Variants in TRIT1 observed in about 807,000 individuals in gnomAD.
TRIT1 encodes the protein tRNA isopentenyltransferase 1, also known as tRNA dimethylallyltransferase.
TRIT1 carries 43 observed loss-of-function variants against 51.2 expected under a neutral mutation model. The ratio of observed to expected loss-of-function variants is 0.84; its 90% CI spans 0.66 to 1.08. The LOEUF is 1.08. TRIT1 is among the 50% of genes least tolerant of loss of function. The pLI is 0.00. For missense variants in TRIT1, 528 were observed against 578.4 expected (o/e 0.91, Z 0.89); for synonymous variants, 184 against 203.9 (o/e 0.90, Z 0.83).
chr1:39,856,105 G>A (rs1642882888), intron 2 of TRIT1, among the ~76,000 whole-genome samples: 1 of 152,118 alleles, frequency 6.6e-6, no homozygotes, highest in Admixed American at 6.6e-5. Flanking sequence ...AGGAGTTCGA[G>A]ACCAGCCTGG....
intron 1 of TRIT1, among the ~76,000 whole-genome samples, chr1:39,863,637 A>C (rs1643370418): frequency 6.6e-6 from 1 of 151,732 alleles, no homozygotes; most frequent in African/African-American, 2.4e-5. Context: ...TTATTTCCAC[A>C]CTGAAAAAAA....
chr1:39,856,261 G>A (rs1039069211), intron 2 of TRIT1, among the ~76,000 whole-genome samples: 2 of 152,032 alleles, frequency 1.3e-5, no homozygotes, highest in East Asian at 1.9e-4. Flanking sequence ...AGCCAAGATC[G>A]CGCTATTGCA....
In TRIT1 at chr1:39,840,652, C is replaced by T. The variant is rs74069709; in HGVS notation, c.*1092G>A. ...AAAATGTATTTGAATGGGGAGTTAA[C>T]GCTTAAAGGGCACAAAGTTTGTTTG... is the stretch of plus-strand genomic sequence containing the variant. On this transcript the variant is annotated 3_prime_UTR_variant, in exon 11 of 11. Transcript: ENST00000316891. 0.021 allele frequency among the ~76,000 whole-genome samples: 3,252 copies of T among 152,240 alleles called. 69 individuals carry two copies. The highest frequency in any genetic ancestry group is 0.11 in the East Asian group (561 of 5,172).
chr1:39,848,622 G>A (rs1332172040), intron 5 of TRIT1, among the ~76,000 whole-genome samples: 2 of 150,968 alleles, frequency 1.3e-5, no homozygotes, highest in Non-Finnish European at 2.9e-5. Flanking sequence ...TCAAGAGTTC[G>A]AGACCAGCCT....
chr1:39,843,453 G>A (rs545784213), intron 10 of TRIT1, among the ~76,000 whole-genome samples: 1 of 152,284 alleles, frequency 6.6e-6, no homozygotes, highest in East Asian at 1.9e-4. Context: ...TGTGGCAGAG[G>A]CAGATCCAGG....
intron 1 of TRIT1, among the ~76,000 whole-genome samples, chr1:39,863,942 G>A (rs571837075): frequency 1.3e-5 from 2 of 152,006 alleles, no homozygotes; most frequent in Non-Finnish European, 2.9e-5. Context: ...TCCAGGCTGG[G>A]GTGCAGTGGT....
At chr1:39,846,281 C>T (rs1456875962) in intron 8 of TRIT1, among the ~76,000 whole-genome samples, 1 of 152,104 alleles carries the variant, frequency 6.6e-6, no homozygotes, top group East Asian at 1.9e-4. Flanking sequence ...TCAGAGGCAC[C>T]GAGTGGGGCA....
chr1:39,869,362 C>T (rs1234671344), intron 1 of TRIT1, among the ~76,000 whole-genome samples: 2 of 152,240 alleles, frequency 1.3e-5, no homozygotes, highest in Admixed American at 6.5e-5. Flanking sequence ...GCCTCGGCCT[C>T]CCGAGGTGCC....
intron 5 of TRIT1, among the ~76,000 whole-genome samples, chr1:39,849,506 T>C (rs1331712480): frequency 6.6e-6 from 1 of 152,158 alleles, no homozygotes; most frequent in African/African-American, 2.4e-5. Context: ...TGAAAATATA[T>C]CTAGCCCAGC....
At chr1:39,850,882 T>C (rs1642522153) in intron 4 of TRIT1, among the ~76,000 whole-genome samples, 1 of 152,246 alleles carries the variant, frequency 6.6e-6, no homozygotes, top group Non-Finnish European at 1.5e-5. Flanking sequence ...TAATGAAGAA[T>C]GCTCCTGGCT....
At chr1:39,868,588 G>T (rs927063892) in intron 1 of TRIT1, among the ~76,000 whole-genome samples, 4 of 148,316 alleles carry the variant, frequency 2.7e-5, no homozygotes, top group African/African-American at 1.0e-4. Context: ...AGGTTGCAGT[G>T]AGCCAAGATC....
At chr1:39,861,360 AAAC>A (rs372719679) in intron 1 of TRIT1, among the ~76,000 whole-genome samples, 5 of 152,160 alleles carry the variant, frequency 3.3e-5, no homozygotes, top group South Asian at 2.1e-4. Flanking sequence ...TAGAACTTAA[AAAC>A]AACAACAACA....
At position 39,841,652 on chromosome 1, in the gene TRIT1, T is replaced by C. The variant is rs924464634; in HGVS notation, c.*92A>G. 77 of 1,337,638 alleles carry C rather than the reference T, an allele frequency of 5.8e-5. No individual in the cohort carries two copies. The highest frequency in any genetic ancestry group is 7.1e-5 in the Non-Finnish European group (70 of 984,506). 82.9% of individuals were successfully genotyped at this position (1,337,638 alleles called of 1,614,324 possible). A position where few individuals can be genotyped will look rare whatever the true frequency, so the allele number is the denominator to read the frequency against. ...TTTCTGCTATGCAGAGAATTCCGCATAGCACTCCTTTGCCCAGACTGGGAG... is the reference window on the plus strand; with the variant it reads ...TTTCTGCTATGCAGAGAATTCCGCACAGCACTCCTTTGCCCAGACTGGGAG... On this transcript the variant is annotated 3_prime_UTR_variant, in exon 11 of 11. Transcript: ENST00000316891.
At chr1:39,850,489 C>A (rs564675716) in intron 4 of TRIT1, among the ~76,000 whole-genome samples, 2 of 152,192 alleles carry the variant, frequency 1.3e-5, no homozygotes, top group African/African-American at 4.8e-5. Context: ...CAGACCCTGT[C>A]TCTTCAAAAA....
intron 1 of TRIT1, among the ~76,000 whole-genome samples, chr1:39,867,997 T>G (rs1206221802): frequency 5.3e-5 from 8 of 151,234 alleles, no homozygotes; most frequent in Admixed American, 5.3e-4. Flanking sequence ...CAGGCTGGAG[T>G]GCAGTGACTC....
intron 5 of TRIT1, 82 bp from the exon 6 acceptor site, chr1:39,848,179 AC>A (rs1329065976): frequency 5.3e-6 from 5 of 938,884 alleles, no homozygotes; most frequent in African/African-American, 4.9e-5. Context: ...ACAGGTGGTC[AC>A]AAAAAAAGAG....
chr1:39,868,919 G>A (rs1643705068), intron 1 of TRIT1, among the ~76,000 whole-genome samples: 1 of 152,090 alleles, frequency 6.6e-6, no homozygotes. Context: ...AATTAGCTGG[G>A]CGTGGTGGCA....
intron 1 of TRIT1, chr1:39,863,032 G>T: frequency 1.3e-6 from 1 of 772,652 alleles, no homozygotes; most frequent in Non-Finnish European, 1.6e-6. Context: ...AAGGCCTGAT[G>T]ACTGAAATAT....
intron 1 of TRIT1, among the ~76,000 whole-genome samples, chr1:39,872,900 AAAG>A (rs1366851820): frequency 6.6e-6 from 1 of 151,842 alleles, no homozygotes; most frequent in Non-Finnish European, 1.5e-5. Context: ...AAACAAAAAG[AAAG>A]AAAGAAAAGA....
Sources: allele counts gnomAD v4.1 joint callset (sites outside exome capture counted in the v4.1 genomes callset), GRCh38; gene constraint gnomAD v4.1.1; transcripts MANE v1.5; gene names NCBI Gene and HGNC (gene_info 2026-07-23, HGNC 2026-07-21).